EHBP1L1: variants seen among roughly 807,000 people sequenced by gnomAD.
EHBP1L1 encodes EH domain-binding protein 1-like protein 1.
In EHBP1L1, 122 loss-of-function variants were observed where a neutral mutation model predicts 151.1. The ratio of observed to expected loss-of-function variants is 0.81; its 90% confidence interval spans 0.70 to 0.94. EHBP1L1 has a LOEUF of 0.94. EHBP1L1 is among the 40% of genes least tolerant of loss of function. The pLI is 0.00. For missense variants in EHBP1L1, 1,941 were observed against 1,959.8 expected, an observed-to-expected ratio of 0.99 and a Z score of 0.18; for synonymous variants, 878 against 810.1, an observed-to-expected ratio of 1.08 and a Z score of -1.42.
At chr11:65,591,640 T>C (rs2135336762) in intron 16 of EHBP1L1, 160 bp from the exon 17 acceptor site, 1 of 675,464 alleles carries the variant, frequency 1.5e-6, no homozygotes, top group African/African-American at 1.8e-5. Flanking sequence ...GATAATGTGG[T>C]CTGGAGACTA....
In EHBP1L1 at chr11:65,576,391, A is replaced by C. The variant is rs1416728870; in HGVS notation, c.89A>C (p.Glu30Ala). 6 of 1,587,852 alleles carry C rather than the reference A, an allele frequency of 3.8e-6. No homozygotes were observed. Among genetic ancestry groups the C allele is most frequent in the Non-Finnish European group, 5.1e-6 (6 of 1,167,562 alleles). The change falls in exon 1 of 19, where the codon GAG (glutamate) becomes GCG (alanine). Residue 30 changes from glutamate to alanine, a missense_variant. By Grantham distance (107) the Glu-to-Ala change is moderately radical (BLOSUM62 -1). Transcript: ENST00000309295. ...FVACYHELVL[E>A]CTKKWQPDKL... ...GCCTGTTACCACGAGCTAGTGTTGGAGTGCACCAAGAAATGGTGAGTGGGA... is the reference window on the plus strand; with the variant it reads ...GCCTGTTACCACGAGCTAGTGTTGGCGTGCACCAAGAAATGGTGAGTGGGA...
rs1193172995 is a variant in EHBP1L1 at position 65,579,531 on chromosome 11, A to G, written c.258+95A>G. On this transcript the variant is annotated intron_variant, in intron 3 of 18. Transcript: ENST00000309295. ...CTCCTGGTAGGTTGTTCATCCAGAT[A>G]GAAGAGGATGCGGGGGGTGAGGCCA... 7 of 1,084,456 alleles carry G rather than the reference A, an allele frequency of 6.5e-6. No individual in the cohort carries two copies. In the East Asian group the frequency reaches 8.3e-5, roughly 13 times the overall value. 67.2% of individuals were successfully genotyped at this position (1,084,456 alleles called of 1,614,324 possible).
Position 65,584,315 on chromosome 11 carries a change from C to A in EHBP1L1, c.3168C>A (p.Gly1056=), listed in dbSNP as rs370798461. ...AGGAAGTCACCACTGGCTACCGTGG[C>A]GTCCGCATCACCAACTTCACCACAT... ...WCQEVTTGYR[G]VRITNFTTSW... The change falls in exon 10 of 19, where the codon GGC becomes GGA. Residue 1056 remains glycine (G), a synonymous_variant. Transcript: ENST00000309295. The A allele has an allele frequency of 4.0e-5, 65 of 1,611,398 alleles. No homozygotes were observed. The highest frequency in any genetic ancestry group is 5.3e-5 in the Non-Finnish European group (62 of 1,178,702).
Position 65,582,016 on chromosome 11 carries a change from G to A in EHBP1L1, c.1344G>A (p.Glu448=), listed in dbSNP as rs1857637245. The change falls in exon 9 of 19, where the codon GAG becomes GAA. Residue 448 remains glutamate, a synonymous_variant. Transcript: ENST00000309295. ...KGPEATGVMP[E]ARCRGTPEAP... is the part of the protein sequence containing the mutation. Reference sequence around the variant, plus strand: ...CAGAGGCGACAGGGGTGATGCCTGAGGCAAGATGCAGGGGGACCCCTGAGG... The same window carrying A: ...CAGAGGCGACAGGGGTGATGCCTGAAGCAAGATGCAGGGGGACCCCTGAGG... The A allele has an allele frequency of 6.2e-7, 1 of 1,613,592 alleles. No homozygotes were observed. The highest frequency in any genetic ancestry group is 8.5e-7 in the Non-Finnish European group (1 of 1,179,858).
intron 9 of EHBP1L1, 174 bp downstream of exon 9, chr11:65,583,939 C>T (rs1479681889): frequency 7.1e-7 from 1 of 1,415,536 alleles, no homozygotes; most frequent in African/African-American, 1.4e-5. Flanking sequence ...GCTCTCTTAC[C>T]CCATCTTCCC....
At chr11:65,580,873 G>A (rs1196214821) in intron 6 of EHBP1L1, 185 bp from the exon 7 acceptor site, 1 of 1,394,396 alleles carries the variant, frequency 7.2e-7, no homozygotes, top group African/African-American at 1.5e-5. Flanking sequence ...TCTGTCCACT[G>A]TTGAGGTTCT....
In EHBP1L1 at chr11:65,581,347, G is replaced by C; in HGVS notation, c.840G>C (p.Arg280Ser). 5 of 1,584,706 alleles carry C rather than the reference G, an allele frequency of 3.2e-6. No homozygotes were observed. The highest frequency in any genetic ancestry group is 4.3e-6 in the Non-Finnish European group (5 of 1,168,936). The change falls in exon 8 of 19, where the codon AGG becomes AGC. Residue 280 changes from arginine to serine, a missense_variant. Arg to Ser is a moderately radical substitution (Grantham distance 110). Transcript: ENST00000309295. ...AGGQVGPEAPRPPETSPEMRS... is the reference protein window; with the variant it reads ...AGGQVGPEAPSPPETSPEMRS... Reference sequence around the variant, plus strand: ...GCCAGGTAGGCCCTGAGGCCCCAAGGCCCCCGGAAACCTCACCAGAGATGA... The same window carrying C: ...GCCAGGTAGGCCCTGAGGCCCCAAGCCCCCCGGAAACCTCACCAGAGATGA...
rs1278555428 is a variant in EHBP1L1, at chr11:65,589,933, C to T, written c.4004-3C>T. 1.3e-6 allele frequency: 2 copies of T among 1,559,594 alleles called. No individual in the cohort carries two copies. The highest frequency in any genetic ancestry group is 1.7e-6 in the Non-Finnish European group (2 of 1,149,208). ...GGTGCCTTATCATCATCTCTGTCTG[C>T]AGGTGGGAGTTCCCCCTCGGAGGAA... On this transcript the variant is annotated splice_region_variant and splice_polypyrimidine_tract_variant and intron_variant, in intron 13 of 18. Transcript: ENST00000309295.
rs745576472 is a variant in EHBP1L1 at position 65,581,636 on chromosome 11, G to A, written c.964G>A (p.Asp322Asn). The change falls in exon 9 of 19, where the codon GAT (aspartate) becomes AAT (asparagine). Residue 322 changes from aspartate (D) to asparagine (N), a missense_variant. Asp to Asn is a conservative substitution (Grantham distance 23, BLOSUM62 1). Transcript: ENST00000309295. ...CCGGCCCCCAGTCCCCCAGGGGGAA[G>A]ATGAGGTCCCCAAAGCCTCAGGGGC... ...ALRPPVPQGE[D>N]EVPKASGAPP... 2 of 1,553,054 alleles carry A rather than the reference G, an allele frequency of 1.3e-6. No homozygotes were observed. Among genetic ancestry groups the A allele is most frequent in the Non-Finnish European group, 1.7e-6 (2 of 1,148,512 alleles).
At chr11:65,587,371 CA>C (rs113665152) in intron 12 of EHBP1L1, among the ~76,000 whole-genome samples, 4,909 of 99,342 alleles carry the variant, frequency 0.049, 253 homozygotes, top group African/African-American at 0.15. Context: ...GACTCCGTCT[CA>C]AAAAAAAAAA....
In EHBP1L1 at chr11:65,585,053, C is replaced by A; in HGVS notation, c.3395C>A (p.Thr1132Lys). The A allele has an allele frequency of 6.5e-7, 1 of 1,542,856 alleles. No homozygotes were observed. Among genetic ancestry groups the A allele is most frequent in the Non-Finnish European group, 8.7e-7 (1 of 1,151,598 alleles). The change falls in exon 12 of 19, where the codon ACG becomes AAG. Residue 1132 changes from threonine (T) to lysine (K), a missense_variant. Thr to Lys is a moderately conservative substitution (Grantham distance 78). Coordinates refer to ENST00000309295, the MANE Select transcript of EHBP1L1 (RefSeq NM_001099409.3). This position sits in a 1 kb window ranked among gnomAD's most constrained non-coding sequence, Gnocchi z 4.0. ...LSVPDKLIVM[T>K]YLCQIRAFCT... ...GTGCCCGACAAGCTCATCGTCATGACGTACCTGTGCCAGATCCGCGCCTTC... is the reference window on the plus strand; with the variant it reads ...GTGCCCGACAAGCTCATCGTCATGAAGTACCTGTGCCAGATCCGCGCCTTC...
At chr11:65,587,033 C>A (rs1858006605) in intron 12 of EHBP1L1, among the ~76,000 whole-genome samples, 1 of 152,168 alleles carries the variant, frequency 6.6e-6, no homozygotes, top group Non-Finnish European at 1.5e-5. Flanking sequence ...TGGGAGCTCC[C>A]AAAGTCCTGG....
chr11:65,578,722 G>A (rs1348929292), intron 1 of EHBP1L1, among the ~76,000 whole-genome samples: 3 of 152,232 alleles, frequency 2.0e-5, no homozygotes, highest in Non-Finnish European at 4.4e-5. Flanking sequence ...GTGTGTGCAC[G>A]ATGCTCACAT....
Position 65,582,324 on chromosome 11 carries a change from G to T in EHBP1L1, c.1652G>T (p.Gly551Val), listed in dbSNP as rs192819575. The T allele has an allele frequency of 3.4e-5, 52 of 1,550,120 alleles. No homozygotes were observed. The East Asian group carries it at 1.1e-3, about 34-fold the overall frequency. ...GGGGCCCTGTTATCAACTGCCCAGG[G>T]GGCAATATCCAGGGGTCTGGGAGGC... is the stretch of plus-strand genomic sequence containing the variant. Reference protein sequence around the residue: ...WQGALLSTAQGAISRGLGGWE... With the variant: ...WQGALLSTAQVAISRGLGGWE... The change falls in exon 9 of 19, where the codon GGG (glycine) becomes GTG (valine). Residue 551 changes from glycine to valine, a missense_variant. Physicochemically the swap from Gly to Val is moderately radical, Grantham distance 109 (BLOSUM62 -3). Transcript: ENST00000309295.
At chr11:65,584,608 A>C (rs1426818566) in intron 11 of EHBP1L1, 74 bp downstream of exon 11, 1 of 1,557,938 alleles carries the variant, frequency 6.4e-7, no homozygotes, top group Non-Finnish European at 8.7e-7. Context: ...AGATTTGGAG[A>C]AAGTGGACTG....
chr11:65,579,295 G>A (rs1251695592), intron 2 of EHBP1L1, 46 bp from the exon 3 acceptor site: 2 of 1,506,210 alleles, frequency 1.3e-6, no homozygotes, highest in Non-Finnish European at 1.8e-6. Context: ...GTGCAGGTGG[G>A]AGGGAAGAGT....
chr11:65,582,675 C>T lies in EHBP1L1; in HGVS notation c.2003C>T (p.Thr668Ile), dbSNP rs202197527. The part of the protein sequence containing the change: ...AGGSGVLQTR[T>I]TIAETEVLVT... The stretch of plus-strand genomic sequence containing the variant: ...GGTTCAGGAGTTTTGCAGACAAGAA[C>T]TACGATAGCAGAGACTGAGGTACTG... The change falls in exon 9 of 19, where the codon ACT (threonine) becomes ATT (isoleucine). Residue 668 changes from threonine (T) to isoleucine (I), a missense_variant. Thr to Ile is a moderately conservative substitution (Grantham distance 89). Coordinates refer to ENST00000309295, the MANE Select transcript of EHBP1L1 (RefSeq NM_001099409.3). 3.7e-5 allele frequency: 59 copies of T among 1,613,546 alleles called. No homozygotes were observed. The African/African-American group carries it at 6.9e-4, about 19-fold the overall frequency.
At position 65,589,811 on chromosome 11, in the gene EHBP1L1, CA is replaced by C. The variant is rs1565132803; in HGVS notation, c.3995del (p.Gln1332ArgfsTer46). ...CCCACCCACAGCTGCAGACTCTCAA[CA>C]GCCCCCTGGTGAGTAGCAGGAGTGG... ...PGPPTAADSQQPPGGSSPSEE... is the reference protein window; with the variant it reads ...PGPPTAADSQXPPGGSSPSEE... On this transcript the variant is annotated frameshift_variant, in exon 13 of 19. Transcript: ENST00000309295. LOFTEE classifies it high-confidence loss of function. The C allele has an allele frequency of 1.3e-6, 2 of 1,563,906 alleles. No homozygotes were observed. The highest frequency in any genetic ancestry group is 2.4e-5 in the South Asian group (2 of 84,704).
rs1354698574 is a variant in EHBP1L1 at position 65,590,161 on chromosome 11, TGGGC to T, written c.4141_4144del (p.Ala1381LeufsTer7). 5 of 1,613,592 alleles carry T rather than the reference TGGGC, an allele frequency of 3.1e-6. No homozygotes were observed. The highest frequency in any genetic ancestry group is 1.6e-4 in the Middle Eastern group (1 of 6,080). On this transcript the variant is annotated frameshift_variant, in exon 15 of 19. Coordinates refer to ENST00000309295, the MANE Select transcript of EHBP1L1 (RefSeq NM_001099409.3). LOFTEE classifies it high-confidence loss of function. ...TGGAACAGGAGCAGAGGCAGATAGATGGGCGGGCGGCTGAGGTGGAGATGCAGCT... is the reference window on the plus strand; with the variant it reads ...TGGAACAGGAGCAGAGGCAGATAGATGGGCGGCTGAGGTGGAGATGCAGCT...
Sources: gnomAD v4.1 joint callset for allele counts (sites outside exome capture counted in the v4.1 genomes callset) on GRCh38, gnomAD v4.1.1 for gene constraint, Gnocchi (gnomAD v3.1) non-coding constraint, MANE v1.5 for transcripts, NCBI Gene and HGNC (gene_info 2026-07-23, HGNC 2026-07-21) for gene names.